Variants in SLC25A21 observed in about 807,000 individuals in gnomAD.
SLC25A21 encodes the protein mitochondrial 2-oxodicarboxylate carrier.
A neutral mutation model predicts 43.8 loss-of-function variants in SLC25A21; 47 were observed. The observed-to-expected ratio is 1.07, with a 90% CI of 0.85 to 1.37. SLC25A21 has a LOEUF of 1.37. SLC25A21 is among the 40% of genes most tolerant of loss of function. SLC25A21 has a pLI of 0.00. For synonymous variants in SLC25A21, 131 were observed against 121.3 expected (o/e 1.08, Z -0.52); for missense variants, 352 against 350.2 (o/e 1.00, Z -0.04).
Position 36,679,757 on chromosome 14 carries a change from T to TAA in SLC25A21, c.*899_*900dup. On this transcript the variant is annotated 3_prime_UTR_variant, in exon 10 of 10. Transcript: ENST00000331299. ...AAATGGCACAGGTAGGCATGCTGAATAAAGGTATTTGGATGCAAATACTGA... is the reference window on the plus strand; with the variant it reads ...AAATGGCACAGGTAGGCATGCTGAATAAAAAGGTATTTGGATGCAAATACTGA... The TAA allele has an allele frequency of 2.0e-6, 2 of 985,108 alleles. No individual in the cohort carries two copies. Among genetic ancestry groups the TAA allele is most frequent in the Non-Finnish European group, 2.4e-6 (2 of 829,792 alleles). The allele number at this position is 985,108 out of a possible 1,614,324, so 61.0% of individuals were successfully genotyped here.
At chr14:36,730,649 C>A (rs1884781241) in intron 4 of SLC25A21, among the ~76,000 whole-genome samples, 1 of 152,126 alleles carries the variant, frequency 6.6e-6, no homozygotes, top group Non-Finnish European at 1.5e-5. Context: ...AATTTTGATT[C>A]TTTTCAACAC....
At chr14:36,697,179 C>T (rs954491049) in intron 7 of SLC25A21, among the ~76,000 whole-genome samples, 14 of 152,132 alleles carry the variant, frequency 9.2e-5, no homozygotes, top group Admixed American at 8.5e-4. Context: ...CTAGTAGTCA[C>T]TCAGGAGCAA....
At chr14:36,959,775 A>C (rs1052662507) in intron 1 of SLC25A21, among the ~76,000 whole-genome samples, 6 of 152,160 alleles carry the variant, frequency 3.9e-5, no homozygotes, top group African/African-American at 1.4e-4. Flanking sequence ...TTTTTGTAAT[A>C]ATATTATCAG....
chr14:36,704,387 G>A (rs1290181077), intron 7 of SLC25A21, among the ~76,000 whole-genome samples: 2 of 152,094 alleles, frequency 1.3e-5, no homozygotes, highest in Admixed American at 6.6e-5. Flanking sequence ...GACTGGGTGC[G>A]GTGGCTAACG....
intron 1 of SLC25A21, among the ~76,000 whole-genome samples, chr14:37,118,897 T>C (rs912421908): frequency 6.6e-6 from 1 of 152,148 alleles, no homozygotes; most frequent in Non-Finnish European, 1.5e-5. Context: ...CTGGGCTGCA[T>C]TCCCAGGAGG....
intron 5 of SLC25A21, among the ~76,000 whole-genome samples, chr14:36,727,050 G>T (rs1884629139): frequency 6.6e-6 from 1 of 152,188 alleles, no homozygotes; most frequent in Admixed American, 6.5e-5. Context: ...TGTGTGACTA[G>T]AACTGTAACA....
chr14:37,154,849 T>C (rs1179609974), intron 1 of SLC25A21, among the ~76,000 whole-genome samples: 1 of 151,798 alleles, frequency 6.6e-6, no homozygotes, highest in Non-Finnish European at 1.5e-5. Context: ...TCCATGTTGG[T>C]CAGGCTGGTC....
intron 1 of SLC25A21, among the ~76,000 whole-genome samples, chr14:37,128,886 C>T (rs1422383332): frequency 2.6e-5 from 4 of 152,104 alleles, no homozygotes; most frequent in African/African-American, 9.7e-5. Flanking sequence ...CTGCACCTGG[C>T]CCTGCATTAT....
chr14:36,803,950 T>C (rs1887952226), intron 3 of SLC25A21, among the ~76,000 whole-genome samples: 1 of 152,228 alleles, frequency 6.6e-6, no homozygotes, highest in South Asian at 2.1e-4. Flanking sequence ...ACACTGTGTC[T>C]GGTAACTACT....
intron 1 of SLC25A21, among the ~76,000 whole-genome samples, chr14:37,160,396 C>T (rs4906607): frequency 0.39 from 60,008 of 152,018 alleles, 12,740 homozygotes; most frequent in African/African-American, 0.56. Flanking sequence ...TTAAAAAATA[C>T]TAAAATCATG....
At chr14:36,891,792 T>TA (rs2138583575) in intron 1 of SLC25A21, among the ~76,000 whole-genome samples, 1 of 152,204 alleles carries the variant, frequency 6.6e-6, no homozygotes, top group South Asian at 2.1e-4. Context: ...CCCTTCCCAC[T>TA]AACTGGAACT....
chr14:37,062,697 G>A (rs1956424), intron 1 of SLC25A21, among the ~76,000 whole-genome samples: 33,025 of 152,084 alleles, frequency 0.22, 8,268 homozygotes, highest in African/African-American at 0.61. Context: ...CATCAAGATC[G>A]GGACAGGGGA....
intron 1 of SLC25A21, among the ~76,000 whole-genome samples, chr14:37,091,978 T>C (rs1962595806): frequency 6.6e-6 from 1 of 152,022 alleles, no homozygotes; most frequent in African/African-American, 2.4e-5. Flanking sequence ...AATACAAAAA[T>C]TAGCCAGGGA....
rs551024609 is a variant in SLC25A21, at chr14:36,740,951, A to G, written c.204-6378T>C. ...ATATCTTTAGTCAGTTTGAACGACT[A>G]AAAAAAGTTCCTTGCTTTAAGTTAG... On this transcript the variant is annotated intron_variant, in intron 3 of 9. Coordinates refer to ENST00000331299, the MANE Select transcript of SLC25A21 (RefSeq NM_030631.4). Among the ~76,000 whole-genome samples the G allele has an allele frequency of 3.9e-5, 6 of 152,312 alleles. No individual in the cohort carries two copies. The East Asian group carries it at 9.6e-4, about 24-fold the overall frequency.
At chr14:37,028,321 T>C (rs531897303) in intron 1 of SLC25A21, among the ~76,000 whole-genome samples, 7 of 152,286 alleles carry the variant, frequency 4.6e-5, no homozygotes, top group South Asian at 4.1e-4. Context: ...TATCTAACAC[T>C]AGTCAGTAAA....
At position 37,058,229 on chromosome 14, in the gene SLC25A21, C is replaced by A. The variant is rs552361603; in HGVS notation, c.70+114052G>T. On this transcript the variant is annotated intron_variant, in intron 1 of 9. Transcript: ENST00000331299. ...AGTTCAGAAAATATTTATTAAATGC[C>A]AGGAATTTAGTGATGAAAACACAGT... Among the ~76,000 whole-genome samples, 30 of 152,190 alleles carry A rather than the reference C, an allele frequency of 2.0e-4. No homozygotes were observed. The East Asian group carries it at 5.4e-3, about 27-fold the overall frequency.
At chr14:37,126,672 T>C (rs1294403570) in intron 1 of SLC25A21, among the ~76,000 whole-genome samples, 4 of 152,110 alleles carry the variant, frequency 2.6e-5, no homozygotes, top group African/African-American at 4.8e-5. Flanking sequence ...TGTTCAATTA[T>C]AGCAAAAAGC....
chr14:36,917,715 C>T (rs1374315028), intron 1 of SLC25A21, among the ~76,000 whole-genome samples: 1 of 106,714 alleles, frequency 9.4e-6, no homozygotes, highest in African/African-American at 2.9e-5. Flanking sequence ...AGTTCCTAAG[C>T]AAACATTAAT....
At chr14:37,067,561 G>A (rs1466615456) in intron 1 of SLC25A21, among the ~76,000 whole-genome samples, 4 of 152,070 alleles carry the variant, frequency 2.6e-5, no homozygotes, top group Non-Finnish European at 4.4e-5. Context: ...ACAAGCGGAA[G>A]GAAAGTGATC....
Sources: gnomAD v4.1 joint callset for allele counts (sites outside exome capture counted in the v4.1 genomes callset) on GRCh38, gnomAD v4.1.1 for gene constraint, MANE v1.5 for transcripts, NCBI Gene and HGNC (gene_info 2026-07-23, HGNC 2026-07-21) for gene names.